CTNNA3: variants seen among roughly 807,000 people sequenced by gnomAD.
CTNNA3 encodes catenin alpha 3.
In CTNNA3, 76 loss-of-function variants were observed where a neutral mutation model predicts 95.7. That is an observed-to-expected ratio of 0.79 (90% CI 0.66 to 0.96). The LOEUF (loss-of-function observed/expected upper bound fraction) is 0.96. Among genes scored for constraint, CTNNA3 ranks in the 40% least tolerant of loss-of-function variants. CTNNA3 has a pLI of 0.00. For missense variants in CTNNA3, 1,191 were observed against 1,089.8 expected (o/e 1.09, Z -1.31); for synonymous variants, 431 against 374.4 (o/e 1.15, Z -1.74).
chr10:67,735,284 T>C (rs1273987419), intron 1 of CTNNA3, among the ~76,000 whole-genome samples: 1 of 151,882 alleles, frequency 6.6e-6, no homozygotes, highest in Non-Finnish European at 1.5e-5. Context: ...AACAGGAAGA[T>C]GATGAAATAA....
intron 9 of CTNNA3, among the ~76,000 whole-genome samples, chr10:66,733,785 T>C (rs2132673301): frequency 6.6e-6 from 1 of 151,878 alleles, no homozygotes; most frequent in Non-Finnish European, 1.5e-5. Flanking sequence ...ATCTATTTTC[T>C]ATTAAGATGT....
intron 5 of CTNNA3, among the ~76,000 whole-genome samples, chr10:67,505,102 C>G (rs145683884): frequency 3.9e-5 from 6 of 152,264 alleles, no homozygotes; most frequent in Non-Finnish European, 7.4e-5. Flanking sequence ...TCTGTTTATT[C>G]ACATAATGCT....
intron 6 of CTNNA3, among the ~76,000 whole-genome samples, chr10:67,208,378 C>CAAAAAAAAAAAA (rs3056794): frequency 1.7e-4 from 16 of 93,172 alleles, no homozygotes; most frequent in Admixed American, 6.3e-4. Flanking sequence ...GACTCTGTCT[C>CAAAAAAAAAAAA]AAAAAAAAAA....
At chr10:65,987,710 T>C (rs1282304410) in intron 16 of CTNNA3, among the ~76,000 whole-genome samples, 1 of 152,058 alleles carries the variant, frequency 6.6e-6, no homozygotes, top group Non-Finnish European at 1.5e-5. Context: ...GAAGTCAGTA[T>C]GTCAAAGAGA....
intron 13 of CTNNA3, among the ~76,000 whole-genome samples, chr10:66,213,112 T>C (rs2088277998): frequency 6.6e-6 from 1 of 152,370 alleles, no homozygotes; most frequent in African/African-American, 2.4e-5. Context: ...TATCATTTAC[T>C]ATATTCTCTC....
At chr10:67,678,370 G>A (rs986299936) in intron 1 of CTNNA3, among the ~76,000 whole-genome samples, 21 of 152,166 alleles carry the variant, frequency 1.4e-4, no homozygotes, top group Middle Eastern at 6.8e-3. Flanking sequence ...CAAGAATTTG[G>A]CAAAAGAAAA....
intron 9 of CTNNA3, among the ~76,000 whole-genome samples, chr10:66,719,597 AG>A (rs1207533860): frequency 4.6e-5 from 7 of 152,154 alleles, no homozygotes; most frequent in Non-Finnish European, 7.3e-5. Flanking sequence ...TGCTATGACC[AG>A]AAGTATTGCA....
intron 11 of CTNNA3, among the ~76,000 whole-genome samples, chr10:66,446,079 A>G (rs2093418484): frequency 6.6e-6 from 1 of 152,222 alleles, no homozygotes; most frequent in Non-Finnish European, 1.5e-5. Context: ...TCTAGAAGAA[A>G]TGGATAAATT....
intron 1 of CTNNA3, chr10:67,750,481 G>A (rs1424426593): frequency 5.2e-6 from 8 of 1,530,102 alleles, no homozygotes; most frequent in Non-Finnish European, 4.5e-6. Context: ...TCCAAGAGAA[G>A]GCTGTAAAGC....
At chr10:67,583,966 T>C (rs1222426283) in intron 3 of CTNNA3, among the ~76,000 whole-genome samples, 1 of 152,198 alleles carries the variant, frequency 6.6e-6, no homozygotes, top group Non-Finnish European at 1.5e-5. Context: ...TTGTCTAATC[T>C]TTTTTCAAGG....
chr10:67,566,219 T>C (rs1307071342), intron 3 of CTNNA3, among the ~76,000 whole-genome samples: 5 of 141,060 alleles, frequency 3.5e-5, no homozygotes, highest in African/African-American at 1.3e-4. Context: ...GAAACTACCA[T>C]CAGAGTGAAC....
At chr10:66,664,684 T>C (rs1018656774) in intron 9 of CTNNA3, among the ~76,000 whole-genome samples, 1 of 149,776 alleles carries the variant, frequency 6.7e-6, no homozygotes, top group African/African-American at 2.5e-5. Context: ...GAGCAGAACA[T>C]AGCATTCAGC....
At chr10:67,704,874 C>T (rs1841068140) in intron 1 of CTNNA3, among the ~76,000 whole-genome samples, 1 of 152,044 alleles carries the variant, frequency 6.6e-6, no homozygotes, top group South Asian at 2.1e-4. Context: ...TCGCAACCTA[C>T]TCATCTGACA....
intron 17 of CTNNA3, among the ~76,000 whole-genome samples, chr10:65,950,667 T>C (rs762844635): frequency 1.4e-4 from 21 of 152,206 alleles, no homozygotes; most frequent in Admixed American, 6.5e-5. Context: ...TTCTAAGGAT[T>C]GATAACAACC....
intron 13 of CTNNA3, among the ~76,000 whole-genome samples, chr10:66,163,366 G>A (rs1341424797): frequency 6.6e-6 from 1 of 152,114 alleles, no homozygotes; most frequent in Admixed American, 6.6e-5. Context: ...AGGGGACCCA[G>A]TGAGCTCCCA....
At chr10:65,987,786 C>A (rs2078457986) in intron 16 of CTNNA3, among the ~76,000 whole-genome samples, 2 of 152,058 alleles carry the variant, frequency 1.3e-5, no homozygotes. Flanking sequence ...TAGAATCAAT[C>A]TAACTGTCCA....
chr10:65,967,282 A>T (rs2077992122), intron 16 of CTNNA3, among the ~76,000 whole-genome samples: 1 of 152,212 alleles, frequency 6.6e-6, no homozygotes, highest in Non-Finnish European at 1.5e-5. Flanking sequence ...ATTTTTAGAC[A>T]TAAAAAGGTA....
intron 2 of CTNNA3, among the ~76,000 whole-genome samples, chr10:67,638,856 G>A (rs1839419822): frequency 6.6e-6 from 1 of 152,174 alleles, no homozygotes; most frequent in Admixed American, 6.5e-5. Flanking sequence ...CACATTTAAA[G>A]CAGTGTGTAG....
intron 13 of CTNNA3, among the ~76,000 whole-genome samples, chr10:66,131,656 A>T (rs2083108428): frequency 1.3e-5 from 2 of 152,194 alleles, no homozygotes; most frequent in South Asian, 4.1e-4. Context: ...ACTATACTAC[A>T]GGACTATGGT....
Sources: allele counts gnomAD v4.1 joint callset (sites outside exome capture counted in the v4.1 genomes callset), GRCh38; gene constraint gnomAD v4.1.1; transcripts MANE v1.5; gene names NCBI Gene and HGNC (gene_info 2026-07-23, HGNC 2026-07-21).